Variants in INHBB observed in about 807,000 individuals in gnomAD.
The protein encoded by INHBB is inhibin beta B chain.
In INHBB, 8 loss-of-function variants were observed where a neutral mutation model predicts 28.9. The observed-to-expected ratio is 0.28, with a 90% CI of 0.16 to 0.50. INHBB has a LOEUF of 0.50. Among genes scored for constraint, INHBB ranks in the 20% least tolerant of loss-of-function variants. The probability of loss-of-function intolerance (pLI) is 0.98; values close to 1 mark genes in which losing one functional copy is unlikely to be tolerated. For missense variants in INHBB, 499 were observed against 597.8 expected (o/e 0.83, Z 1.72); for synonymous variants, 293 against 262.7 (o/e 1.12, Z -1.12).
chr2:120,349,053 G>T lies in INHBB; in HGVS notation c.449-46G>T. ...GAGAGTGTGTTTCCCCCATTGCCTT[G>T]TGTTCTCCTTGAATTAACTTGGCTC... On this transcript the variant is annotated intron_variant, in intron 1 of 1. Coordinates refer to ENST00000295228, the MANE Select transcript of INHBB (RefSeq NM_002193.4). This position sits in a 1 kb window ranked among gnomAD's most constrained non-coding sequence, Gnocchi z 5.6. 3 of 1,552,172 alleles carry T rather than the reference G, an allele frequency of 1.9e-6. No homozygotes were observed. The highest frequency in any genetic ancestry group is 2.6e-6 in the Non-Finnish European group (3 of 1,146,802).
In INHBB at chr2:120,349,642, A is replaced by G; in HGVS notation, c.992A>G (p.Tyr331Cys). The G allele has an allele frequency of 6.2e-7, 1 of 1,613,686 alleles. No individual in the cohort carries two copies. The highest frequency in any genetic ancestry group is 8.5e-7 in the Non-Finnish European group (1 of 1,180,012). The change falls in exon 2 of 2, where the codon TAC (tyrosine) becomes TGC (cysteine). Residue 331 changes from tyrosine (Y) to cysteine (C), a missense_variant. Transcript: ENST00000295228. The surrounding 1 kb of genome is among the most constrained non-coding windows in gnomAD (Gnocchi z 5.6). ...GCACCCACCGGCTACTACGGGAACT[A>G]CTGTGAGGGCAGCTGCCCAGCCTAC... ...IIAPTGYYGN[Y>C]CEGSCPAYLA...
In INHBB at chr2:120,349,307, G is replaced by A. The variant is rs1396277269; in HGVS notation, c.657G>A (p.Val219=). 6.2e-7 allele frequency: 1 copy of A among 1,614,168 alleles called. No homozygotes were observed. The highest frequency in any genetic ancestry group is 2.2e-5 in the East Asian group (1 of 44,878). ...GGTGGAACATGGTGGAGAAGAGGGT[G>A]GACCTCAAGCGCAGCGGCTGGCATA... ...GDRWNMVEKR[V]DLKRSGWHTF... is the part of the protein sequence containing the mutation. The change falls in exon 2 of 2, where the codon GTG becomes GTA. Residue 219 remains valine, a synonymous_variant. Coordinates refer to ENST00000295228, the MANE Select transcript of INHBB (RefSeq NM_002193.4). This position sits in a 1 kb window ranked among gnomAD's most constrained non-coding sequence, Gnocchi z 5.6.
chr2:120,350,408 G>A lies in INHBB; in HGVS notation c.*534G>A. Reference sequence around the variant, plus strand: ...GTGCCCCGTGGCTTTTACCAGGCCTGCTCTGCCTGGCTCGATGTCTGCTTC... The same window carrying A: ...GTGCCCCGTGGCTTTTACCAGGCCTACTCTGCCTGGCTCGATGTCTGCTTC... On this transcript the variant is annotated 3_prime_UTR_variant, in exon 2 of 2. Coordinates refer to ENST00000295228, the MANE Select transcript of INHBB (RefSeq NM_002193.4). 1 of 156,080 alleles carries A rather than the reference G, an allele frequency of 6.4e-6. No homozygotes were observed. 9.7% of individuals were successfully genotyped at this position (156,080 alleles called of 1,614,324 possible).
Position 120,349,697 on chromosome 2 carries a change from C to T in INHBB, c.1047C>T (p.Ser349=). 2 of 1,613,872 alleles carry T rather than the reference C, an allele frequency of 1.2e-6. No homozygotes were observed. Among genetic ancestry groups the T allele is most frequent in the Non-Finnish European group, 1.7e-6 (2 of 1,180,038 alleles). Reference sequence around the variant, plus strand: ...CAGGGGTCCCCGGCTCTGCCTCCTCCTTCCACACGGCTGTGGTGAACCAGT... The same window carrying T: ...CAGGGGTCCCCGGCTCTGCCTCCTCTTTCCACACGGCTGTGGTGAACCAGT... ...YLAGVPGSAS[S]FHTAVVNQYR... is the part of the protein sequence containing the mutation. Residue 349 remains serine, a synonymous_variant, in exon 2 of 2, where the codon TCC becomes TCT. Transcript: ENST00000295228. This position sits in a 1 kb window ranked among gnomAD's most constrained non-coding sequence, Gnocchi z 5.6.
Position 120,349,666 on chromosome 2 carries a change from A to C in INHBB, c.1016A>C (p.Tyr339Ser). 6.2e-7 allele frequency: 1 copy of C among 1,613,732 alleles called. No homozygotes were observed. The highest frequency in any genetic ancestry group is 8.5e-7 in the Non-Finnish European group (1 of 1,180,010). Residue 339 changes from tyrosine to serine, a missense_variant, in exon 2 of 2, where the codon TAC becomes TCC. Tyr to Ser is a moderately radical substitution (Grantham distance 144). Transcript: ENST00000295228. The surrounding 1 kb of genome is among the most constrained non-coding windows in gnomAD (Gnocchi z 5.6). ...TACTGTGAGGGCAGCTGCCCAGCCT[A>C]CCTGGCAGGGGTCCCCGGCTCTGCC... ...GNYCEGSCPA[Y>S]LAGVPGSASS...
rs1408628901 is a variant in INHBB at position 120,346,137 on chromosome 2, G to C, written c.-52G>C. The C allele has an allele frequency of 1.5e-5, 16 of 1,036,072 alleles. No homozygotes were observed. Among genetic ancestry groups the C allele is most frequent in the Non-Finnish European group, 1.8e-5 (16 of 865,800 alleles). 64.2% of individuals were successfully genotyped at this position (1,036,072 alleles called of 1,614,324 possible). On this transcript the variant is annotated 5_prime_UTR_variant, in exon 1 of 2. Transcript: ENST00000295228. ...GAGCCCGGAGCCCGGCCCTGCGCTC[G>C]GCTCGACTCGGCTCGCCTCGCGGCG...
chr2:120,346,340 C>G lies in INHBB; in HGVS notation c.152C>G (p.Ser51Trp), dbSNP rs1172288935. Residue 51 changes from serine (S) to tryptophan (W), a missense_variant, in exon 1 of 2, where the codon TCG becomes TGG. Physicochemically the swap from Ser to Trp is radical, Grantham distance 177. This residue lies in a region of INHBB where 385 missense variants were observed against 415.2 expected (regional missense o/e 0.93). Coordinates refer to ENST00000295228, the MANE Select transcript of INHBB (RefSeq NM_002193.4). ...CCGCCACCCGGATCCCCGGGTGGCTCGCAGGACACCTGTACGTCGTGCGGC... is the reference window on the plus strand; with the variant it reads ...CCGCCACCCGGATCCCCGGGTGGCTGGCAGGACACCTGTACGTCGTGCGGC... ...PPPPPGSPGG[S>W]QDTCTSCGGF... 1 of 1,400,820 alleles carries G rather than the reference C, an allele frequency of 7.1e-7. No individual in the cohort carries two copies. The highest frequency in any genetic ancestry group is 9.2e-7 in the Non-Finnish European group (1 of 1,084,746). The allele number at this position is 1,400,820 out of a possible 1,614,324, so 86.8% of individuals were successfully genotyped here.
intron 1 of INHBB, among the ~76,000 whole-genome samples, chr2:120,348,248 A>G (rs1691196704): frequency 6.9e-6 from 1 of 144,936 alleles, no homozygotes; most frequent in South Asian, 2.3e-4. Context: ...AAAAAAAGGA[A>G]AGAAAAACGT....
At position 120,349,916 on chromosome 2, in the gene INHBB, T is replaced by A. The variant is rs1424908486; in HGVS notation, c.*42T>A. ...CACGGTGGTGGGGCACGGAGGGCAG[T>A]CCCGGGTGGGCTTCTTCCAGCCCCC... On this transcript the variant is annotated 3_prime_UTR_variant, in exon 2 of 2. Transcript: ENST00000295228. The surrounding 1 kb of genome is among the most constrained non-coding windows in gnomAD (Gnocchi z 5.6). The A allele has an allele frequency of 1.8e-5, 28 of 1,571,234 alleles. No homozygotes were observed. The highest frequency in any genetic ancestry group is 2.4e-5 in the Non-Finnish European group (28 of 1,155,300).
At position 120,346,620 on chromosome 2, in the gene INHBB, C is replaced by T; in HGVS notation, c.432C>T (p.Ile144=). Residue 144 remains isoleucine, a synonymous_variant, in exon 1 of 2, where the codon ATC becomes ATT. Coordinates refer to ENST00000295228, the MANE Select transcript of INHBB (RefSeq NM_002193.4). ...ADGQERVSEI[I]SFAETDGLAS... Reference sequence around the variant, plus strand: ...GCCAGGAGCGCGTTTCCGAAATCATCAGCTTCGCCGAGACAGGTGGGTCCG... The same window carrying T: ...GCCAGGAGCGCGTTTCCGAAATCATTAGCTTCGCCGAGACAGGTGGGTCCG... The T allele has an allele frequency of 2.8e-6, 4 of 1,449,748 alleles. No individual in the cohort carries two copies. The highest frequency in any genetic ancestry group is 3.6e-6 in the Non-Finnish European group (4 of 1,107,496). The allele number at this position is 1,449,748 out of a possible 1,614,324, so 89.8% of individuals were successfully genotyped here. A position where few individuals can be genotyped will look rare whatever the true frequency, so the allele number is the denominator to read the frequency against.
Position 120,349,006 on chromosome 2 carries a change from T to C in INHBB, c.449-93T>C. The C allele has an allele frequency of 7.1e-7, 1 of 1,413,088 alleles. No homozygotes were observed. Among genetic ancestry groups the C allele is most frequent in the Non-Finnish European group, 9.6e-7 (1 of 1,042,182 alleles). The allele number at this position is 1,413,088 out of a possible 1,614,324, so 87.5% of individuals were successfully genotyped here. On this transcript the variant is annotated intron_variant, in intron 1 of 1. Coordinates refer to ENST00000295228, the MANE Select transcript of INHBB (RefSeq NM_002193.4). This position sits in a 1 kb window ranked among gnomAD's most constrained non-coding sequence, Gnocchi z 5.6. Reference sequence around the variant, plus strand: ...AACGTTTTCCAGCTGTGTGGCGAGTTGCATTCCAGCATCCTGCAGCAGAGA... The same window carrying C: ...AACGTTTTCCAGCTGTGTGGCGAGTCGCATTCCAGCATCCTGCAGCAGAGA...
chr2:120,350,354 T>C lies in INHBB; in HGVS notation c.*480T>C, dbSNP rs1369384099. ...CGGAGAGGAAAAGCAGATGCAGGGGTGGGGAGCGCAGCTCGGCGGAGGCTG... is the reference window on the plus strand; with the variant it reads ...CGGAGAGGAAAAGCAGATGCAGGGGCGGGGAGCGCAGCTCGGCGGAGGCTG... On this transcript the variant is annotated 3_prime_UTR_variant, in exon 2 of 2. Transcript: ENST00000295228. The C allele has an allele frequency of 5.9e-6, 1 of 168,168 alleles. No homozygotes were observed. Among genetic ancestry groups the C allele is most frequent in the African/African-American group, 2.4e-5 (1 of 41,580 alleles). 10.4% of individuals were successfully genotyped at this position (168,168 alleles called of 1,614,324 possible). A position where few individuals can be genotyped will look rare whatever the true frequency, so the allele number is the denominator to read the frequency against.
chr2:120,350,073 C>T lies in INHBB; in HGVS notation c.*199C>T, dbSNP rs1691233783. On this transcript the variant is annotated 3_prime_UTR_variant, in exon 2 of 2. Transcript: ENST00000295228. ...CAGTCAAAACCAGAGCGAGAACCCT[C>T]AACTGACATGAAATACTTTAAAATG... 1.7e-6 allele frequency: 1 copy of T among 591,008 alleles called. No homozygotes were observed. The highest frequency in any genetic ancestry group is 1.9e-5 in the African/African-American group (1 of 53,828). 36.6% of individuals were successfully genotyped at this position (591,008 alleles called of 1,614,324 possible).
Position 120,350,042 on chromosome 2 carries a change from A to G in INHBB, c.*168A>G. ...GAGATATTTTTCTACAGCTTCATAG[A>G]GCAACCAGTCAAAACCAGAGCGAGA... On this transcript the variant is annotated 3_prime_UTR_variant, in exon 2 of 2. Transcript: ENST00000295228. 1 of 666,980 alleles carries G rather than the reference A, an allele frequency of 1.5e-6. No individual in the cohort carries two copies. The highest frequency in any genetic ancestry group is 2.5e-6 in the Non-Finnish European group (1 of 399,524). 41.3% of individuals were successfully genotyped at this position (666,980 alleles called of 1,614,324 possible).
chr2:120,349,814 G>A lies in INHBB; in HGVS notation c.1164G>A (p.Glu388=), dbSNP rs760447946. 2.4e-5 allele frequency: 39 copies of A among 1,613,072 alleles called. No individual in the cohort carries two copies. The South Asian group carries it at 2.7e-4, about 11-fold the overall frequency. The part of the protein sequence containing the change: ...STMSMLYFDD[E]YNIVKRDVPN... ...TGTCCATGCTGTACTTCGATGATGA[G>A]TACAACATCGTCAAGCGGGACGTGC... Residue 388 remains glutamate (E), a synonymous_variant, in exon 2 of 2, where the codon GAG becomes GAA. Transcript: ENST00000295228. This position sits in a 1 kb window ranked among gnomAD's most constrained non-coding sequence, Gnocchi z 5.6.
At chr2:120,347,312 G>A (rs541968070) in intron 1 of INHBB, among the ~76,000 whole-genome samples, 3 of 152,248 alleles carry the variant, frequency 2.0e-5, no homozygotes, top group Admixed American at 2.0e-4. Context: ...CGTGCCTCTC[G>A]GCTTGCCTGG....
At position 120,350,490 on chromosome 2, in the gene INHBB, C is replaced by A. The variant is rs1185387050; in HGVS notation, c.*616C>A. ...GCCTGGGGAGCCTGTCCTTCCATGC[C>A]CTTGTCGAGGGAAAGAGACCCAGAA... On this transcript the variant is annotated 3_prime_UTR_variant, in exon 2 of 2. Transcript: ENST00000295228. 6.5e-6 allele frequency: 1 copy of A among 152,968 alleles called. No individual in the cohort carries two copies. The highest frequency in any genetic ancestry group is 2.4e-5 in the African/African-American group (1 of 41,444). The allele number at this position is 152,968 out of a possible 1,614,324, so 9.5% of individuals were successfully genotyped here. A position where few individuals can be genotyped will look rare whatever the true frequency, so the allele number is the denominator to read the frequency against.
Position 120,349,488 on chromosome 2 carries a change from G to A in INHBB, c.838G>A (p.Ala280Thr). The A allele has an allele frequency of 6.2e-7, 1 of 1,613,410 alleles. No homozygotes were observed. The highest frequency in any genetic ancestry group is 8.5e-7 in the Non-Finnish European group (1 of 1,179,968). ...GCACCGGCCCTTTGTGGTGGTGCAG[G>A]CTCGGCTGGGCGACAGCAGGCACCG... ...ESHRPFVVVQ[A>T]RLGDSRHRIR... The change falls in exon 2 of 2, where the codon GCT (alanine) becomes ACT (threonine). Residue 280 changes from alanine (A) to threonine (T), a missense_variant. Ala to Thr is a moderately conservative substitution (Grantham distance 58). Transcript: ENST00000295228. This position sits in a 1 kb window ranked among gnomAD's most constrained non-coding sequence, Gnocchi z 5.6.
rs560960797 is a variant in INHBB at position 120,351,710 on chromosome 2, A to C, written c.*1836A>C. ...TAAAGCTCCCCTTAGATTCTGTTTC[A>C]TAATAATTTAAAACCAAACAATTTT... On this transcript the variant is annotated 3_prime_UTR_variant, in exon 2 of 2. Transcript: ENST00000295228. 1.5e-4 allele frequency: 23 copies of C among 152,354 alleles called. No individual in the cohort carries two copies. Among genetic ancestry groups the C allele is most frequent in the African/African-American group, 5.5e-4 (23 of 41,594 alleles). The allele number at this position is 152,354 out of a possible 1,614,324, so 9.4% of individuals were successfully genotyped here. A position where few individuals can be genotyped will look rare whatever the true frequency, so the allele number is the denominator to read the frequency against.
Sources: gnomAD v4.1 joint callset for allele counts (sites outside exome capture counted in the v4.1 genomes callset) on GRCh38, gnomAD v4.1.1 for gene constraint, gnomAD v4.1.1 regional missense constraint, Gnocchi (gnomAD v3.1) non-coding constraint, MANE v1.5 for transcripts, NCBI Gene and HGNC (gene_info 2026-07-23, HGNC 2026-07-21) for gene names.